The following AKAP12 variants were observed in gnomAD, a reference collection of about 807,000 sequenced individuals.
The protein encoded by AKAP12 is A-kinase anchor protein 12.
Under a neutral mutation model 79.9 loss-of-function variants are expected in AKAP12, and 32 were observed. The ratio of observed to expected loss-of-function variants is 0.40; its 90% CI spans 0.30 to 0.54. The LOEUF is 0.54. Among genes scored for constraint, AKAP12 ranks in the 20% least tolerant of loss-of-function variants. AKAP12 has a pLI of 0.48. For missense variants in AKAP12, 2,074 were observed against 2,177.0 expected (o/e 0.95, Z 0.94); for synonymous variants, 808 against 857.0 (o/e 0.94, Z 1.00).
chr6:151,259,468 A>ATT (rs1554319968), intron 2 of AKAP12, among the ~76,000 whole-genome samples: 1 of 135,352 alleles, frequency 7.4e-6, no homozygotes, highest in African/African-American at 3.0e-5. Flanking sequence ...ACATATATAC[A>ATT]TGTATATATA....
chr6:151,327,118 A>ATTTTTT (rs71922297), intron 3 of AKAP12, among the ~76,000 whole-genome samples: 1 of 141,044 alleles, frequency 7.1e-6, no homozygotes, highest in Admixed American at 7.1e-5. Flanking sequence ...CCTGGCCTAC[A>ATTTTTT]TTTTTTTTTT....
At position 151,303,588 on chromosome 6, in the gene AKAP12, A is replaced by G. The variant is rs550483519; in HGVS notation, c.163-2159A>G. On this transcript the variant is annotated intron_variant, in intron 2 of 4. Coordinates refer to ENST00000402676, the MANE Select transcript of AKAP12 (RefSeq NM_005100.4). Reference sequence around the variant, plus strand: ...CTGTCCCTTCAGCGTTCAGGGTCTAAGTCAGTGGTGAGTCCAGAGTCATTC... The same window carrying G: ...CTGTCCCTTCAGCGTTCAGGGTCTAGGTCAGTGGTGAGTCCAGAGTCATTC... Among the ~76,000 whole-genome samples the G allele has an allele frequency of 7.9e-5, 12 of 152,334 alleles. No homozygotes were observed. In the South Asian group the frequency reaches 2.5e-3, roughly 32 times the overall value.
intron 2 of AKAP12, among the ~76,000 whole-genome samples, chr6:151,248,544 T>C (rs979010771): frequency 5.3e-5 from 8 of 152,170 alleles, no homozygotes; most frequent in Non-Finnish European, 1.2e-4. Flanking sequence ...GGTGATAGCA[T>C]GTGCAGATTT....
Position 151,245,656 on chromosome 6 carries a change from C to CAAA in AKAP12, c.162+4950_162+4952dup, listed in dbSNP as rs10700236. Among the ~76,000 whole-genome samples the CAAA allele has an allele frequency of 9.3e-3, 925 of 99,104 alleles. 13 individuals are homozygous for CAAA. The highest frequency in any genetic ancestry group is 0.02 in the African/African-American group (486 of 24,772). The allele number at this position is 99,104 out of a possible 152,430, so 65.0% of individuals were successfully genotyped here. A position where few individuals can be genotyped will look rare whatever the true frequency, so the allele number is the denominator to read the frequency against. ...TGGGCGACAGAGAGAGACTCCGTCT[C>CAAA]AAAAAAAAAAAAAAAAAAAATCAAA... is the stretch of plus-strand genomic sequence containing the variant. On this transcript the variant is annotated intron_variant, in intron 2 of 4. Transcript: ENST00000402676.
chr6:151,341,084 C>A (rs1315029125), intron 3 of AKAP12, among the ~76,000 whole-genome samples: 4 of 149,820 alleles, frequency 2.7e-5, no homozygotes, highest in Non-Finnish European at 4.4e-5. Flanking sequence ...CACAGTCTTG[C>A]CCTGTCTCCC....
At chr6:151,263,836 C>G (rs1393845364) in intron 2 of AKAP12, among the ~76,000 whole-genome samples, 1 of 152,212 alleles carries the variant, frequency 6.6e-6, no homozygotes, top group Admixed American at 6.5e-5. Flanking sequence ...GCCTCAGCCT[C>G]CCAAAGTGCT....
chr6:151,355,560 C>G (rs759475113), intron 4 of AKAP12, among the ~76,000 whole-genome samples, 167 bp from the exon 5 acceptor site: 1 of 149,860 alleles, frequency 6.7e-6, no homozygotes, highest in Non-Finnish European at 1.5e-5. Context: ...CTCAGCTTCA[C>G]AAAGTGCTGG....
intron 2 of AKAP12, among the ~76,000 whole-genome samples, chr6:151,294,721 G>A (rs1187336638): frequency 6.6e-6 from 1 of 152,164 alleles, no homozygotes; most frequent in Non-Finnish European, 1.5e-5. Flanking sequence ...GATTTAGAGT[G>A]CTTTGTTTTC....
intron 3 of AKAP12, chr6:151,341,888 C>T (rs1777960178): frequency 5.2e-6 from 5 of 955,232 alleles, no homozygotes; most frequent in East Asian, 7.1e-5. Context: ...GGCCTGCGCC[C>T]GTGGCATCCC....
chr6:151,240,356 C>CTT (rs11314996), intron 1 of AKAP12, 28 bp from the exon 2 acceptor site: 98 of 387,724 alleles, frequency 2.5e-4, no homozygotes, highest in South Asian at 3.8e-4. Context: ...AAGAGGTGGC[C>CTT]TTTTTTTTTT....
intron 3 of AKAP12, among the ~76,000 whole-genome samples, chr6:151,347,192 A>G (rs1320975690): frequency 6.6e-6 from 1 of 152,224 alleles, no homozygotes; most frequent in African/African-American, 2.4e-5. Flanking sequence ...TGACACCTCC[A>G]TCAGCTTTTG....
At chr6:151,269,552 C>T (rs886712512) in intron 2 of AKAP12, among the ~76,000 whole-genome samples, 2 of 135,122 alleles carry the variant, frequency 1.5e-5, no homozygotes, top group Non-Finnish European at 3.3e-5. Context: ...CATTGTAGTT[C>T]CATTGTAGTT....
intron 2 of AKAP12, among the ~76,000 whole-genome samples, chr6:151,277,579 T>C (rs1019737097): frequency 1.2e-4 from 19 of 152,354 alleles, no homozygotes; most frequent in African/African-American, 3.8e-4. Flanking sequence ...AGATATTTAT[T>C]GAATGAGTTA....
intron 2 of AKAP12, among the ~76,000 whole-genome samples, chr6:151,260,798 A>G (rs1797412102): frequency 6.6e-6 from 1 of 152,036 alleles, no homozygotes; most frequent in Admixed American, 6.6e-5. Flanking sequence ...GTTCGAGACC[A>G]ACCTAGCCAA....
chr6:151,282,696 G>A (rs376866935), intron 2 of AKAP12, among the ~76,000 whole-genome samples: 2 of 152,246 alleles, frequency 1.3e-5, no homozygotes. Flanking sequence ...TGGTGTTACT[G>A]CTCACAGGGA....
chr6:151,299,067 T>C (rs959135555), intron 2 of AKAP12: 4 of 152,324 alleles, frequency 2.6e-5, no homozygotes, highest in Middle Eastern at 3.4e-3. Flanking sequence ...GTGAAATGGG[T>C]ACATAATGCA....
Position 151,248,766 on chromosome 6 carries a change from G to A in AKAP12, c.162+8042G>A, listed in dbSNP as rs181173746. On this transcript the variant is annotated intron_variant, in intron 2 of 4. Transcript: ENST00000402676. ...GCACTTTGGGAGGCCGAGGCGGGCGGATCACGAGGTCAGCAGTTCAAGACC... is the reference window on the plus strand; with the variant it reads ...GCACTTTGGGAGGCCGAGGCGGGCGAATCACGAGGTCAGCAGTTCAAGACC... Among the ~76,000 whole-genome samples, 914 of 152,266 alleles carry A rather than the reference G, an allele frequency of 6.0e-3. 40 individuals are homozygous for A. Among genetic ancestry groups the A allele is most frequent in the Admixed American group, 0.054 (824 of 15,296 alleles).
intron 2 of AKAP12, among the ~76,000 whole-genome samples, chr6:151,283,220 T>A (rs1470329589): frequency 1.3e-5 from 2 of 152,156 alleles, no homozygotes; most frequent in Non-Finnish European, 2.9e-5. Context: ...GATCAGCTCT[T>A]AGGATATTGC....
chr6:151,339,990 G>A (rs1013760089), intron 3 of AKAP12, among the ~76,000 whole-genome samples: 1 of 151,334 alleles, frequency 6.6e-6, no homozygotes, highest in East Asian at 1.9e-4. Flanking sequence ...GCAGTGGCGC[G>A]ATCTCAGCTC....
Sources: allele counts gnomAD v4.1 joint callset (sites outside exome capture counted in the v4.1 genomes callset), GRCh38; gene constraint gnomAD v4.1.1; transcripts MANE v1.5; gene names NCBI Gene and HGNC (gene_info 2026-07-23, HGNC 2026-07-21).